Variants in PAPPA2 observed in about 807,000 individuals in gnomAD.
PAPPA2 encodes the protein pappalysin-2.
PAPPA2 carries 86 observed loss-of-function variants against 176.4 expected under a neutral mutation model. The ratio of observed to expected loss-of-function variants is 0.49; its 90% CI spans 0.41 to 0.58. The LOEUF is 0.58. Among genes scored for constraint, PAPPA2 ranks in the 20% least tolerant of loss-of-function variants. The probability of loss-of-function intolerance (pLI) is 0.00; values close to 1 mark genes in which losing one functional copy is unlikely to be tolerated. For missense variants in PAPPA2, 2,073 were observed against 2,256.9 expected, an observed-to-expected ratio of 0.92 and a Z score of 1.65; for synonymous variants, 809 against 852.2, an observed-to-expected ratio of 0.95 and a Z score of 0.88.
intron 1 of PAPPA2, among the ~76,000 whole-genome samples, chr1:176,481,449 C>T (rs1652399621): frequency 6.6e-6 from 1 of 151,990 alleles, no homozygotes; most frequent in African/African-American, 2.4e-5. Flanking sequence ...CAACCAGGGA[C>T]ATCTAGTGTG....
intron 1 of PAPPA2, among the ~76,000 whole-genome samples, chr1:176,520,157 A>G (rs1649134599): frequency 6.6e-6 from 1 of 152,136 alleles, no homozygotes; most frequent in African/African-American, 2.4e-5. Context: ...GAATAAGAAA[A>G]GTTACATTTC....
At chr1:176,802,467 T>C (rs1289931932) in intron 21 of PAPPA2, among the ~76,000 whole-genome samples, 2 of 152,004 alleles carry the variant, frequency 1.3e-5, no homozygotes, top group African/African-American at 4.8e-5. Context: ...CAGCAAAATA[T>C]ATTAGGGAGA....
At chr1:176,685,750 T>A (rs1439705520) in intron 4 of PAPPA2, among the ~76,000 whole-genome samples, 1 of 152,202 alleles carries the variant, frequency 6.6e-6, no homozygotes, top group Non-Finnish European at 1.5e-5. Context: ...ACTCAGTTTT[T>A]ATTTATTATT....
chr1:176,569,666 G>A lies in PAPPA2; in HGVS notation c.919+12425G>A, dbSNP rs79625985. On this transcript the variant is annotated intron_variant, in intron 2 of 22. Coordinates refer to ENST00000367662, the MANE Select transcript of PAPPA2 (RefSeq NM_020318.3). ...TCTATTCTAGGCTAGCTCCCACTGG[G>A]CTGTAAGCTGTCTGGGGTCAGAGGC... Among the ~76,000 whole-genome samples the A allele has an allele frequency of 3.9e-4, 59 of 152,322 alleles. No individual in the cohort carries two copies. In the East Asian group the frequency reaches 0.011, roughly 29 times the overall value.
chr1:176,735,757 A>G (rs1285687105), intron 12 of PAPPA2, among the ~76,000 whole-genome samples: 1 of 150,994 alleles, frequency 6.6e-6, no homozygotes, highest in Non-Finnish European at 1.5e-5. Context: ...CTGTCTGTCT[A>G]TCTCTATCTG....
At chr1:176,638,426 C>T (rs1460206625) in intron 3 of PAPPA2, among the ~76,000 whole-genome samples, 3 of 151,990 alleles carry the variant, frequency 2.0e-5, no homozygotes, top group South Asian at 2.1e-4. Context: ...TGTTGAGCTC[C>T]GGTAGAAGGC....
chr1:176,489,695 A>T (rs921604955), intron 1 of PAPPA2, among the ~76,000 whole-genome samples: 1 of 152,142 alleles, frequency 6.6e-6, no homozygotes, highest in East Asian at 1.9e-4. Context: ...CCTTTTAGTG[A>T]TTTATTTTTA....
intron 15 of PAPPA2, among the ~76,000 whole-genome samples, chr1:176,769,042 G>C (rs1316567370): frequency 1.3e-5 from 2 of 152,190 alleles, no homozygotes; most frequent in Non-Finnish European, 2.9e-5. Flanking sequence ...CCCAGGTGAA[G>C]GGACTCAGTC....
intron 2 of PAPPA2, among the ~76,000 whole-genome samples, chr1:176,579,153 G>A (rs957613225): frequency 7.9e-5 from 12 of 152,146 alleles, no homozygotes; most frequent in Admixed American, 7.9e-4. Context: ...AAGAAAGGGT[G>A]AGCAATCAGA....
chr1:176,713,211 A>G (rs558977616), intron 12 of PAPPA2, among the ~76,000 whole-genome samples: 2 of 151,536 alleles, frequency 1.3e-5, no homozygotes, highest in East Asian at 3.9e-4. Flanking sequence ...GCTGGAATAC[A>G]GTGGTGCCAT....
chr1:176,473,054 T>C (rs1360759364), intron 1 of PAPPA2, among the ~76,000 whole-genome samples: 1 of 152,174 alleles, frequency 6.6e-6, no homozygotes, highest in Non-Finnish European at 1.5e-5. Context: ...GTCCATAGTT[T>C]ATATTAAGGT....
chr1:176,475,012 A>G (rs1200772289), intron 1 of PAPPA2, among the ~76,000 whole-genome samples: 1 of 152,244 alleles, frequency 6.6e-6, no homozygotes, highest in Non-Finnish European at 1.5e-5. Flanking sequence ...AAATACAATC[A>G]AATATAAGTG....
In PAPPA2 at chr1:176,800,051, T is replaced by G; in HGVS notation, c.5131-10T>G. The G allele has an allele frequency of 6.2e-7, 1 of 1,613,920 alleles. No individual in the cohort carries two copies. The highest frequency in any genetic ancestry group is 2.2e-5 in the East Asian group (1 of 44,866). ...ATTTTGTTTTCTGTTTTTCCCGTCT[T>G]TCCCCTTAGAGCATTGTGTGCACTG... On this transcript the variant is annotated splice_polypyrimidine_tract_variant and intron_variant, in intron 20 of 22. Transcript: ENST00000367662.
intron 2 of PAPPA2, among the ~76,000 whole-genome samples, chr1:176,575,602 A>G (rs1652598551): frequency 6.6e-6 from 1 of 152,260 alleles, no homozygotes; most frequent in East Asian, 1.9e-4. Context: ...TAAATATGCA[A>G]TATGTGCTAG....
At chr1:176,633,252 T>C (rs1401648370) in intron 3 of PAPPA2, among the ~76,000 whole-genome samples, 1 of 152,048 alleles carries the variant, frequency 6.6e-6, no homozygotes, top group Non-Finnish European at 1.5e-5. Flanking sequence ...AGATGGGAGC[T>C]ATAGATGGGG....
chr1:176,581,672 A>C (rs1342853553), intron 2 of PAPPA2, among the ~76,000 whole-genome samples: 1 of 151,922 alleles, frequency 6.6e-6, no homozygotes, highest in Non-Finnish European at 1.5e-5. Context: ...GATCTTTTAC[A>C]TCCTTGGTTA....
At chr1:176,803,640 G>A (rs937286628) in intron 21 of PAPPA2, among the ~76,000 whole-genome samples, 3 of 152,118 alleles carry the variant, frequency 2.0e-5, no homozygotes, top group African/African-American at 7.2e-5. Context: ...TTTCTCATCT[G>A]GACTTTTGCA....
chr1:176,654,559 C>A (rs1025889873), intron 3 of PAPPA2, among the ~76,000 whole-genome samples: 13 of 150,466 alleles, frequency 8.6e-5, no homozygotes, highest in South Asian at 2.1e-4. Context: ...ACTGCTTTGG[C>A]TGTTCAAGCT....
chr1:176,815,002 G>A (rs1228365712), intron 21 of PAPPA2, among the ~76,000 whole-genome samples: 2 of 152,192 alleles, frequency 1.3e-5, no homozygotes, highest in African/African-American at 2.4e-5. Flanking sequence ...AAGAGATACT[G>A]GATTTTATTG....
Sources: allele counts gnomAD v4.1 joint callset (sites outside exome capture counted in the v4.1 genomes callset), GRCh38; gene constraint gnomAD v4.1.1; transcripts MANE v1.5; gene names NCBI Gene and HGNC (gene_info 2026-07-23, HGNC 2026-07-21).